RIMS2: variants seen among roughly 807,000 people sequenced by gnomAD.
RIMS2 encodes the protein regulating synaptic membrane exocytosis protein 2.
RIMS2 carries 59 observed loss-of-function variants against 174.4 expected under a neutral mutation model. The observed-to-expected ratio is 0.34, with a 90% CI of 0.27 to 0.42. The LOEUF (loss-of-function observed/expected upper bound fraction) is 0.42, where lower values mean the gene tolerates loss of function less well. RIMS2 is among the 10% of genes least tolerant of loss of function. The pLI is 1.00. For synonymous variants in RIMS2, 606 were observed against 572.5 expected (o/e 1.06, Z -0.84); for missense variants, 1,620 against 1,666.3 (o/e 0.97, Z 0.48).
chr8:103,545,622 G>T (rs1304052424), intron 1 of RIMS2, among the ~76,000 whole-genome samples: 1 of 152,198 alleles, frequency 6.6e-6, no homozygotes, highest in Non-Finnish European at 1.5e-5. Context: ...AAGACAGCTA[G>T]AGAGAAGGGG....
chr8:103,608,346 C>T (rs529218509), intron 1 of RIMS2, among the ~76,000 whole-genome samples: 14 of 143,174 alleles, frequency 9.8e-5, no homozygotes, highest in East Asian at 9.7e-4. Flanking sequence ...GCAGTCTGCC[C>T]GTTCTCAGAT....
chr8:104,166,852 C>T (rs571752507), intron 19 of RIMS2, among the ~76,000 whole-genome samples: 12 of 151,988 alleles, frequency 7.9e-5, no homozygotes, highest in Non-Finnish European at 1.3e-4. Flanking sequence ...AGCTTAGCTC[C>T]CACTTAAAAG....
At chr8:103,571,091 A>G (rs779434457) in intron 1 of RIMS2, among the ~76,000 whole-genome samples, 1 of 152,120 alleles carries the variant, frequency 6.6e-6, no homozygotes, top group Admixed American at 6.5e-5. Context: ...ATGATCTGCC[A>G]TCAATGTTAG....
At chr8:103,693,223 AT>A (rs2097054669) in intron 1 of RIMS2, among the ~76,000 whole-genome samples, 1 of 152,176 alleles carries the variant, frequency 6.6e-6, no homozygotes, top group East Asian at 1.9e-4. Context: ...AAGTTCACAG[AT>A]TCTCTTCCTG....
At chr8:103,701,571 A>C (rs917712743) in intron 2 of RIMS2, among the ~76,000 whole-genome samples, 1 of 151,940 alleles carries the variant, frequency 6.6e-6, no homozygotes, top group Non-Finnish European at 1.5e-5. Context: ...ACCACTCTTT[A>C]TTCCCGCTTC....
intron 15 of RIMS2, among the ~76,000 whole-genome samples, chr8:103,966,244 C>T (rs1192503703): frequency 2.6e-5 from 4 of 151,956 alleles, no homozygotes; most frequent in Non-Finnish European, 5.9e-5. Flanking sequence ...ACCAGTGAAT[C>T]GATCTAAACT....
At chr8:103,598,780 A>G (rs1446376745) in intron 1 of RIMS2, among the ~76,000 whole-genome samples, 1 of 152,212 alleles carries the variant, frequency 6.6e-6, no homozygotes, top group East Asian at 1.9e-4. Flanking sequence ...GTTTCAACAA[A>G]TACTTGTTCC....
chr8:103,914,288 G>T (rs995247087), intron 6 of RIMS2, among the ~76,000 whole-genome samples: 1 of 152,140 alleles, frequency 6.6e-6, no homozygotes, highest in African/African-American at 2.4e-5. Context: ...TAGAATAAAG[G>T]TTAGCAAGTC....
intron 19 of RIMS2, among the ~76,000 whole-genome samples, chr8:104,064,860 A>C (rs1402572083): frequency 6.6e-6 from 1 of 152,042 alleles, no homozygotes. Flanking sequence ...ACAATTTGAA[A>C]ATGTTTTGAT....
intron 2 of RIMS2, among the ~76,000 whole-genome samples, chr8:103,705,541 C>T (rs180740017): frequency 2.8e-4 from 43 of 152,100 alleles, no homozygotes; most frequent in African/African-American, 7.9e-4. Flanking sequence ...TTACTAAGAG[C>T]GGGGTGTTGA....
chr8:103,913,603 G>C (rs1488902455), intron 6 of RIMS2, among the ~76,000 whole-genome samples: 1 of 152,110 alleles, frequency 6.6e-6, no homozygotes, highest in Non-Finnish European at 1.5e-5. Context: ...AAAGAAAAGA[G>C]GTTTAATCAG....
chr8:104,102,252 A>G (rs942977944), intron 19 of RIMS2, among the ~76,000 whole-genome samples: 1 of 152,128 alleles, frequency 6.6e-6, no homozygotes, highest in Non-Finnish European at 1.5e-5. Context: ...GCCAAAATAA[A>G]TAACTTACTC....
At chr8:104,094,421 G>GGCTT in intron 19 of RIMS2, 1 of 579,086 alleles carries the variant, frequency 1.7e-6, no homozygotes, top group Non-Finnish European at 3.1e-6. Context: ...GTTTTTTCTT[G>GGCTT]ACTTTCTTTT....
chr8:104,023,288 C>CT (rs77488661), intron 19 of RIMS2, among the ~76,000 whole-genome samples: 5,854 of 145,252 alleles, frequency 0.04, 190 homozygotes, highest in Admixed American at 0.1. Context: ...CACAATACCA[C>CT]TTTTTTTTTT....
intron 1 of RIMS2, among the ~76,000 whole-genome samples, chr8:103,546,388 C>G (rs1387715947): frequency 6.6e-6 from 1 of 152,130 alleles, no homozygotes; most frequent in Non-Finnish European, 1.5e-5. Context: ...AAAGCACATT[C>G]TTAGAGACCT....
chr8:103,865,902 T>C (rs987800366), intron 3 of RIMS2, among the ~76,000 whole-genome samples: 1 of 152,172 alleles, frequency 6.6e-6, no homozygotes, highest in Non-Finnish European at 1.5e-5. Flanking sequence ...TGTATTATTG[T>C]GATAATGCAA....
In RIMS2 at chr8:103,871,699, A is replaced by G. The variant is rs142959384; in HGVS notation, c.699-13599A>G. ...AAACTTTGTCACAACATGCAACTCA[A>G]AAGACTGTAGGATCAGGGGTAGAAT... On this transcript the variant is annotated intron_variant, in intron 3 of 23. Transcript: ENST00000504942. Among the ~76,000 whole-genome samples, 1,432 of 152,234 alleles carry G rather than the reference A, an allele frequency of 9.4e-3. 14 individuals are homozygous for G. The highest frequency in any genetic ancestry group is 0.02 in the Middle Eastern group (6 of 294).
At chr8:103,752,384 T>A (rs2097904971) in intron 2 of RIMS2, among the ~76,000 whole-genome samples, 1 of 152,188 alleles carries the variant, frequency 6.6e-6, no homozygotes, top group Admixed American at 6.5e-5. Context: ...TCAGGTAGCG[T>A]GATGCCTCCA....
chr8:104,205,982 C>T (rs1401888125), intron 19 of RIMS2, among the ~76,000 whole-genome samples: 1 of 152,122 alleles, frequency 6.6e-6, no homozygotes, highest in Admixed American at 6.5e-5. Flanking sequence ...TCTCAAACTC[C>T]TGACCTCAAG....
Sources: gnomAD v4.1 joint callset for allele counts (sites outside exome capture counted in the v4.1 genomes callset) on GRCh38, gnomAD v4.1.1 for gene constraint, MANE v1.5 for transcripts, NCBI Gene and HGNC (gene_info 2026-07-23, HGNC 2026-07-21) for gene names.